CAD: variants seen among roughly 807,000 people sequenced by gnomAD.
The protein encoded by CAD is multifunctional protein CAD.
Under a neutral mutation model 237.2 loss-of-function variants are expected in CAD, and 81 were observed. That is an observed-to-expected ratio of 0.34 (90% CI 0.29 to 0.41). CAD has a LOEUF of 0.41. Ranked by LOEUF, CAD falls within the 10% of genes least tolerant of loss-of-function variation. The pLI, the probability that CAD is intolerant of heterozygous loss-of-function variation, is 1.00. For synonymous variants in CAD, 1,196 were observed against 1,162.8 expected (o/e 1.03, Z -0.58); for missense variants, 2,181 against 2,951.7 (o/e 0.74, Z 6.05).
chr2:27,230,380 G>A (rs949984689), intron 15 of CAD, among the ~76,000 whole-genome samples: 8 of 152,088 alleles, frequency 5.3e-5, no homozygotes, highest in Non-Finnish European at 8.8e-5. Flanking sequence ...GGTGGCTCAC[G>A]CCTGTAACCC....
chr2:27,239,757 C>A lies in CAD; in HGVS notation c.5455C>A (p.Gln1819Lys). 6.3e-7 allele frequency: 1 copy of A among 1,589,570 alleles called. No individual in the cohort carries two copies. ...GAAGTGGCCACAGGGGGCTGTTCCTCAGCTCCCACCCTCAGCCCCTGCCAC... is the reference window on the plus strand; with the variant it reads ...GAAGTGGCCACAGGGGGCTGTTCCTAAGCTCCCACCCTCAGCCCCTGCCAC... ...VRKWPQGAVP[Q>K]LPPSAPATSE... Residue 1819 changes from glutamine to lysine, a missense_variant, in exon 34 of 44, where the codon CAG becomes AAG. Gln to Lys is a moderately conservative substitution (Grantham distance 53). Coordinates refer to ENST00000264705, the MANE Select transcript of CAD (RefSeq NM_004341.5). The surrounding 1 kb of genome is among the most constrained non-coding windows in gnomAD (Gnocchi z 4.0).
At chr2:27,218,085 G>GAC (rs1674959319) in intron 2 of CAD, 69 bp downstream of exon 2, 2 of 1,411,072 alleles carry the variant, frequency 1.4e-6, no homozygotes, top group Non-Finnish European at 1.9e-6. Context: ...AGTGAAGTAG[G>GAC]AGACGTTGAC....
At position 27,224,842 on chromosome 2, in the gene CAD, A is replaced by G. The variant is rs770953907; in HGVS notation, c.1352A>G (p.Tyr451Cys). ...QTSQGLADKV[Y>C]FLPITPHYVT... is the part of the protein sequence containing the mutation. Reference sequence around the variant, plus strand: ...TCCCAGGGGCTGGCCGACAAGGTCTATTTTCTTCCCATAACACCTCATTAT... The same window carrying G: ...TCCCAGGGGCTGGCCGACAAGGTCTGTTTTCTTCCCATAACACCTCATTAT... The change falls in exon 10 of 44, where the codon TAT (tyrosine) becomes TGT (cysteine). Residue 451 changes from tyrosine (Y) to cysteine (C), a missense_variant. Physicochemically the swap from Tyr to Cys is radical, Grantham distance 194. This residue lies in a region of CAD where 174 missense variants were observed against 215.8 expected (regional missense o/e 0.81). Coordinates refer to ENST00000264705, the MANE Select transcript of CAD (RefSeq NM_004341.5). 63 of 1,613,996 alleles carry G rather than the reference A, an allele frequency of 3.9e-5. No homozygotes were observed. The highest frequency in any genetic ancestry group is 1.6e-4 in the Middle Eastern group (1 of 6,084).
At chr2:27,229,737 A>G (rs961230290) in intron 15 of CAD, among the ~76,000 whole-genome samples, 6 of 152,012 alleles carry the variant, frequency 3.9e-5, no homozygotes, top group Admixed American at 1.3e-4. Context: ...TTAGCTAGGC[A>G]TGGTGGCACG....
chr2:27,242,091 G>C lies in CAD; in HGVS notation c.6064G>C (p.Val2022Leu). The change falls in exon 39 of 44, where the codon GTG becomes CTG. Residue 2022 changes from valine (V) to leucine (L), a missense_variant. Around this residue, in one of 12 missense-constraint regions of CAD, gnomAD observed 203 missense variants for 284.5 expected, o/e 0.71. Coordinates refer to ENST00000264705, the MANE Select transcript of CAD (RefSeq NM_004341.5). The surrounding 1 kb of genome is among the most constrained non-coding windows in gnomAD (Gnocchi z 6.4). ...QTMSCYADVV[V>L]LRHPQPGAVE... ...CATGAGCTGCTATGCCGACGTCGTC[G>C]TGCTCCGGCACCCCCAGCCTGGAGC... 1.2e-6 allele frequency: 2 copies of C among 1,613,096 alleles called. No homozygotes were observed. Among genetic ancestry groups the C allele is most frequent in the Non-Finnish European group, 8.5e-7 (1 of 1,180,018 alleles).
In CAD at chr2:27,221,237, T is replaced by C. The variant is rs760698455; in HGVS notation, c.242T>C (p.Ile81Thr). The C allele has an allele frequency of 1.9e-6, 3 of 1,558,036 alleles. No homozygotes were observed. Among genetic ancestry groups the C allele is most frequent in the Non-Finnish European group, 2.6e-6 (3 of 1,148,370 alleles). The change falls in exon 3 of 44, where the codon ATC becomes ACC. Residue 81 changes from isoleucine to threonine, a missense_variant. By Grantham distance (89) the Ile-to-Thr change is moderately conservative. This residue lies in a region of CAD where 314 missense variants were observed against 339.4 expected (regional missense o/e 0.93). Transcript: ENST00000264705. ...CTACAGTGGTTTGAATCCTCGGGCA[T>C]CCACGTAGCAGCACTGGTAGTGGGA... ...GLCKWFESSG[I>T]HVAALVVGEC...
At position 27,235,957 on chromosome 2, in the gene CAD, AAGC is replaced by A; in HGVS notation, c.4074+320_4074+322del. On this transcript the variant is annotated intron_variant, in intron 25 of 43. Transcript: ENST00000264705. The surrounding 1 kb of genome is among the most constrained non-coding windows in gnomAD (Gnocchi z 5.2). The stretch of plus-strand genomic sequence containing the variant: ...ACTAGTAAGCTATATTCCATGCAGA[AAGC>A]AGAATACACAGGAAGCAAAGAGAAA... 1 of 489,094 alleles carries A rather than the reference AAGC, an allele frequency of 2.0e-6. No homozygotes were observed. The highest frequency in any genetic ancestry group is 3.6e-6 in the Non-Finnish European group (1 of 275,230). The allele number at this position is 489,094 out of a possible 1,614,324, so 30.3% of individuals were successfully genotyped here.
chr2:27,236,415 C>T lies in CAD; in HGVS notation c.4206C>T (p.Gly1402=), dbSNP rs767433767. The T allele has an allele frequency of 2.5e-6, 4 of 1,614,174 alleles. No individual in the cohort carries two copies. The South Asian group carries it at 3.3e-5, about 13-fold the overall frequency. Residue 1402 remains glycine, a synonymous_variant, in exon 26 of 44, where the codon GGC becomes GGT. Coordinates refer to ENST00000264705, the MANE Select transcript of CAD (RefSeq NM_004341.5). The surrounding 1 kb of genome is among the most constrained non-coding windows in gnomAD (Gnocchi z 4.1). ...VINLSMRGAG[G]RRLSSFVTKG... ...ACCTGTCAATGCGTGGAGCTGGGGG[C>T]CGGCGTCTCTCTTCCTTTGTCACCA...
At chr2:27,222,761 A>G (rs1052710046) in intron 5 of CAD, 101 bp downstream of exon 5, 2 of 1,574,910 alleles carry the variant, frequency 1.3e-6, no homozygotes, top group Non-Finnish European at 1.7e-6. Flanking sequence ...TGCAGTGAAG[A>G]AGATAGACAT....
intron 11 of CAD, among the ~76,000 whole-genome samples, chr2:27,225,455 C>T (rs1212818652): frequency 2.0e-5 from 3 of 151,786 alleles, no homozygotes; most frequent in Non-Finnish European, 2.9e-5. Flanking sequence ...TACTGGCATG[C>T]GCCACCATGC....
Position 27,241,515 on chromosome 2 carries a change from C to T in CAD, c.5883+119C>T. 2 of 925,658 alleles carry T rather than the reference C, an allele frequency of 2.2e-6. No individual in the cohort carries two copies. The highest frequency in any genetic ancestry group is 1.4e-5 in the South Asian group (1 of 70,610). 57.3% of individuals were successfully genotyped at this position (925,658 alleles called of 1,614,324 possible). A position where few individuals can be genotyped will look rare whatever the true frequency, so the allele number is the denominator to read the frequency against. ...CCCCCTGCCATCCCGTCCCCTTATG[C>T]TAGTCCATCCCTCTGCTGCTGTAGA... On this transcript the variant is annotated intron_variant, in intron 38 of 43. Transcript: ENST00000264705. This position sits in a 1 kb window ranked among gnomAD's most constrained non-coding sequence, Gnocchi z 4.6.
Position 27,240,609 on chromosome 2 carries a change from G to T in CAD, c.5593+248G>T. 6.5e-7 allele frequency: 1 copy of T among 1,544,258 alleles called. No homozygotes were observed. Among genetic ancestry groups the T allele is most frequent in the Non-Finnish European group, 8.7e-7 (1 of 1,143,298 alleles). ...GGAGCTGGGATCCCACGGGGCAGCA[G>T]AGCGTGGGGTAAATCCAGGTTGTTG... On this transcript the variant is annotated intron_variant, in intron 35 of 43. Transcript: ENST00000264705. This position sits in a 1 kb window ranked among gnomAD's most constrained non-coding sequence, Gnocchi z 4.6.
chr2:27,218,144 C>T, intron 2 of CAD, 128 bp downstream of exon 2: 1 of 781,400 alleles, frequency 1.3e-6, no homozygotes, highest in East Asian at 3.0e-5. Context: ...GTAGTAAAGT[C>T]AAGGACTAAG....
At position 27,237,118 on chromosome 2, in the gene CAD, G is replaced by A. The variant is rs145093866; in HGVS notation, c.4397-261G>A. On this transcript the variant is annotated intron_variant, in intron 27 of 43. Coordinates refer to ENST00000264705, the MANE Select transcript of CAD (RefSeq NM_004341.5). This position sits in a 1 kb window ranked among gnomAD's most constrained non-coding sequence, Gnocchi z 4.0. ...GGCTCACTGCAACCTCCGCCTCCCA[G>A]GTTCAAGCGATTTTCCTGCCTCAGC... Among the ~76,000 whole-genome samples, 882 of 150,406 alleles carry A rather than the reference G, an allele frequency of 5.9e-3. 6 individuals carry two copies. The highest frequency in any genetic ancestry group is 0.021 in the African/African-American group (832 of 40,528).
chr2:27,231,062 A>G (rs1032822926), intron 15 of CAD, among the ~76,000 whole-genome samples: 1 of 152,212 alleles, frequency 6.6e-6, no homozygotes, highest in South Asian at 2.1e-4. Flanking sequence ...CTGGAGTGCA[A>G]TGGTGTGATC....
chr2:27,240,446 GTCC>G lies in CAD; in HGVS notation c.5593+91_5593+93del, dbSNP rs1171526421. 6.7e-7 allele frequency: 1 copy of G among 1,484,350 alleles called. No individual in the cohort carries two copies. Among genetic ancestry groups the G allele is most frequent in the South Asian group, 1.1e-5 (1 of 88,256 alleles). The allele number at this position is 1,484,350 out of a possible 1,614,324, so 91.9% of individuals were successfully genotyped here. On this transcript the variant is annotated intron_variant, in intron 35 of 43. Coordinates refer to ENST00000264705, the MANE Select transcript of CAD (RefSeq NM_004341.5). This position sits in a 1 kb window ranked among gnomAD's most constrained non-coding sequence, Gnocchi z 4.6. ...GTGCCTCGCCTTTCTCTACTTACAT[GTCC>G]TCCTCTCCATCCCTTTATCCTCGTC...
intron 31 of CAD, 95 bp from the exon 32 acceptor site, chr2:27,238,947 A>G (rs1247105337): frequency 1.7e-6 from 2 of 1,182,620 alleles, no homozygotes; most frequent in Non-Finnish European, 2.4e-6. Context: ...GGTAGTGAGC[A>G]TAAGGAGGTT....
rs1676317550 is a variant in CAD, at chr2:27,241,524, C to T, written c.5883+128C>T. On this transcript the variant is annotated intron_variant, in intron 38 of 43. Coordinates refer to ENST00000264705, the MANE Select transcript of CAD (RefSeq NM_004341.5). The surrounding 1 kb of genome is among the most constrained non-coding windows in gnomAD (Gnocchi z 4.6). ...ATCCCGTCCCCTTATGCTAGTCCAT[C>T]CCTCTGCTGCTGTAGATCTTCCCCC... is the stretch of plus-strand genomic sequence containing the variant. The T allele has an allele frequency of 6.9e-6, 6 of 869,602 alleles. No homozygotes were observed. The South Asian group carries it at 7.5e-5, about 11-fold the overall frequency. The allele number at this position is 869,602 out of a possible 1,614,324, so 53.9% of individuals were successfully genotyped here. A position where few individuals can be genotyped will look rare whatever the true frequency, so the allele number is the denominator to read the frequency against.
rs765061394 is a variant in CAD, at chr2:27,241,317, C to A, written c.5809-5C>A. 1 of 1,614,176 alleles carries A rather than the reference C, an allele frequency of 6.2e-7. No individual in the cohort carries two copies. The highest frequency in any genetic ancestry group is 1.3e-5 in the African/African-American group (1 of 75,042). ...CCTTTCTAGCTAACTTGGGCTCTTT[C>A]TTAGATGTCTCACCTGTTCAATGTG... is the stretch of plus-strand genomic sequence containing the variant. On this transcript the variant is annotated splice_polypyrimidine_tract_variant and splice_region_variant and intron_variant, in intron 37 of 43. Transcript: ENST00000264705. This position sits in a 1 kb window ranked among gnomAD's most constrained non-coding sequence, Gnocchi z 4.6.
Sources: allele counts gnomAD v4.1 joint callset (sites outside exome capture counted in the v4.1 genomes callset), GRCh38; gene constraint gnomAD v4.1.1; regional missense constraint gnomAD v4.1.1; non-coding constraint Gnocchi (gnomAD v3.1); transcripts MANE v1.5; gene names NCBI Gene and HGNC (gene_info 2026-07-23, HGNC 2026-07-21).